Variants in ZDHHC21 observed in about 807,000 individuals in gnomAD.
The protein encoded by ZDHHC21 is palmitoyltransferase ZDHHC21.
Under a neutral mutation model 34.6 loss-of-function variants are expected in ZDHHC21, and 15 were observed. The observed-to-expected ratio is 0.43, with a 90% confidence interval of 0.29 to 0.67. The LOEUF is 0.67. Ranked by LOEUF, ZDHHC21 falls within the 30% of genes least tolerant of loss-of-function variation. ZDHHC21 has a pLI of 0.14. For synonymous variants in ZDHHC21, 142 were observed against 101.8 expected (o/e 1.40, Z -2.38); for missense variants, 344 against 327.7 (o/e 1.05, Z -0.38).
intron 8 of ZDHHC21, among the ~76,000 whole-genome samples, chr9:14,633,396 C>T (rs1028980291): frequency 6.6e-6 from 1 of 152,112 alleles, no homozygotes; most frequent in Non-Finnish European, 1.5e-5. Flanking sequence ...TGCATCCTAG[C>T]TAGAGGAAAG....
intron 8 of ZDHHC21, chr9:14,622,406 A>C (rs2133457707): frequency 1.7e-5 from 5 of 288,860 alleles, no homozygotes; most frequent in African/African-American, 2.4e-5. Context: ...TATACCTGGA[A>C]TGGGGGGGCG....
chr9:14,669,500 T>C (rs962033398), intron 5 of ZDHHC21, among the ~76,000 whole-genome samples: 2 of 151,590 alleles, frequency 1.3e-5, no homozygotes, highest in African/African-American at 4.9e-5. Context: ...ATCCCATTAC[T>C]GGGTATATAC....
intron 7 of ZDHHC21, among the ~76,000 whole-genome samples, chr9:14,653,369 G>T (rs10756594): frequency 0.45 from 67,430 of 151,440 alleles, 15,305 homozygotes; most frequent in East Asian, 0.67. Context: ...TGGTGACTTT[G>T]GTTCTGAAAT....
At position 14,658,830 on chromosome 9, in the gene ZDHHC21, G is replaced by A. The variant is rs748548107; in HGVS notation, c.423C>T (p.Tyr141=). ...GTGCGTAGCAAGTAAGAAGTTCAGT[G>A]TAGAAACACAACTGCAGAAAGAGCC... The part of the protein sequence containing the change: ...NHWLFLQLCF[Y]TELLTCYALM... The change falls in exon 7 of 10, where the codon TAC becomes TAT. Residue 141 remains tyrosine (Y), a synonymous_variant. Coordinates refer to ENST00000380916, the MANE Select transcript of ZDHHC21 (RefSeq NM_178566.6). The A allele has an allele frequency of 8.1e-6, 13 of 1,613,416 alleles. No individual in the cohort carries two copies. The highest frequency in any genetic ancestry group is 3.3e-5 in the South Asian group (3 of 91,024).
In ZDHHC21 at chr9:14,616,013, C is replaced by T. The variant is rs987569760; in HGVS notation, c.*2953G>A. The T allele has an allele frequency of 2.0e-5, 3 of 150,212 alleles. No homozygotes were observed. The highest frequency in any genetic ancestry group is 4.4e-5 in the Non-Finnish European group (3 of 67,474). 9.3% of individuals were successfully genotyped at this position (150,212 alleles called of 1,614,324 possible). A position where few individuals can be genotyped will look rare whatever the true frequency, so the allele number is the denominator to read the frequency against. ...TACTAAAACTATAGATATAACTCTG[C>T]GAAATGTAAAAAAAAGAACAAAGAA... On this transcript the variant is annotated 3_prime_UTR_variant, in exon 10 of 10. Coordinates refer to ENST00000380916, the MANE Select transcript of ZDHHC21 (RefSeq NM_178566.6).
intron 6 of ZDHHC21, among the ~76,000 whole-genome samples, chr9:14,659,774 G>A (rs1475261510): frequency 1.3e-5 from 2 of 152,090 alleles, no homozygotes; most frequent in South Asian, 4.1e-4. Context: ...AAAAACCTTA[G>A]AGAGGCATTT....
At chr9:14,657,731 T>C (rs930987597) in intron 7 of ZDHHC21, among the ~76,000 whole-genome samples, 3 of 152,198 alleles carry the variant, frequency 2.0e-5, no homozygotes, top group East Asian at 1.9e-4. Context: ...TATACTACAA[T>C]GCATTCGTTA....
At chr9:14,688,315 G>A (rs1838657356) in intron 2 of ZDHHC21, among the ~76,000 whole-genome samples, 1 of 150,906 alleles carries the variant, frequency 6.6e-6, no homozygotes, top group African/African-American at 2.5e-5. Context: ...TAACTTTACA[G>A]GGGAGCGAAG....
At chr9:14,630,775 G>T (rs955655243) in intron 8 of ZDHHC21, among the ~76,000 whole-genome samples, 1 of 151,654 alleles carries the variant, frequency 6.6e-6, no homozygotes, top group Non-Finnish European at 1.5e-5. Flanking sequence ...CAGAGCTCTT[G>T]AGTGACTTGA....
In ZDHHC21 at chr9:14,619,594, C is replaced by A; in HGVS notation, c.665+45G>T. ...ACATATTTCTCAAGTATGTCCAGTT[C>A]TTTCCAATTTTAAATAATACTATAC... is the stretch of plus-strand genomic sequence containing the variant. On this transcript the variant is annotated intron_variant, in intron 9 of 9. Transcript: ENST00000380916. 3 of 1,320,140 alleles carry A rather than the reference C, an allele frequency of 2.3e-6. No individual in the cohort carries two copies. The South Asian group carries it at 3.9e-5, about 17-fold the overall frequency. 81.8% of individuals were successfully genotyped at this position (1,320,140 alleles called of 1,614,324 possible). A position where few individuals can be genotyped will look rare whatever the true frequency, so the allele number is the denominator to read the frequency against.
intron 5 of ZDHHC21, among the ~76,000 whole-genome samples, chr9:14,665,922 A>G (rs1320789714): frequency 6.7e-6 from 1 of 149,756 alleles, no homozygotes; most frequent in Non-Finnish European, 1.5e-5. Context: ...CATCGAGACT[A>G]GGAAGAAACT....
At chr9:14,622,352 A>G (rs1825451383) in intron 8 of ZDHHC21, among the ~76,000 whole-genome samples, 1 of 151,862 alleles carries the variant, frequency 6.6e-6, no homozygotes, top group Non-Finnish European at 1.5e-5. Context: ...GTCTAGTCTA[A>G]AAAATTATGT....
In ZDHHC21 at chr9:14,678,544, A is replaced by G. The variant is rs554753947; in HGVS notation, c.-46+1489T>C. Among the ~76,000 whole-genome samples, 14 of 152,218 alleles carry G rather than the reference A, an allele frequency of 9.2e-5. No individual in the cohort carries two copies. The South Asian group carries it at 1.9e-3, about 20-fold the overall frequency. On this transcript the variant is annotated intron_variant, in intron 3 of 9. Transcript: ENST00000380916. The stretch of plus-strand genomic sequence containing the variant: ...ATATCCAATGTTAAGAGGGCACAGA[A>G]AAAAAAGGACACTCTCATACATTAT...
chr9:14,606,017 A>G, the ZDHHC21 span, among the ~76,000 whole-genome samples: 2 of 152,232 alleles, frequency 1.3e-5, no homozygotes, highest in Admixed American at 6.5e-5. Context: ...TGAAAAATGA[A>G]GGAAAATACA....
chr9:14,682,899 A>G (rs1404088299), intron 2 of ZDHHC21, among the ~76,000 whole-genome samples: 1 of 152,204 alleles, frequency 6.6e-6, no homozygotes, highest in Non-Finnish European at 1.5e-5. Context: ...AAAACCGAAC[A>G]ACTACATGGA....
chr9:14,621,521 T>C (rs1467670745), intron 8 of ZDHHC21, among the ~76,000 whole-genome samples: 1 of 152,092 alleles, frequency 6.6e-6, no homozygotes, highest in African/African-American at 2.4e-5. Flanking sequence ...ATCATAAGCA[T>C]GGTTATTCTT....
chr9:14,602,572 T>A, the ZDHHC21 span, among the ~76,000 whole-genome samples: 1 of 150,704 alleles, frequency 6.6e-6, no homozygotes, highest in Admixed American at 6.6e-5. Flanking sequence ...CCAAAGGAAA[T>A]AAATCTAAAA....
intron 2 of ZDHHC21, among the ~76,000 whole-genome samples, chr9:14,682,226 A>G (rs55816713): frequency 0.014 from 2,109 of 152,338 alleles, 25 homozygotes; most frequent in Non-Finnish European, 0.021. Context: ...GAATGCCCCA[A>G]TTAAAAGACA....
At chr9:14,626,473 T>C (rs1227890191) in intron 8 of ZDHHC21, among the ~76,000 whole-genome samples, 5 of 151,934 alleles carry the variant, frequency 3.3e-5, no homozygotes, top group African/African-American at 1.2e-4. Context: ...GACATATAAA[T>C]AAATTATAGA....
Sources: gnomAD v4.1 joint callset for allele counts (sites outside exome capture counted in the v4.1 genomes callset) on GRCh38, gnomAD v4.1.1 for gene constraint, MANE v1.5 for transcripts, NCBI Gene and HGNC (gene_info 2026-07-23, HGNC 2026-07-21) for gene names.